The following PTPRT variants were observed in gnomAD, a reference collection of about 807,000 sequenced individuals.
The protein encoded by PTPRT is receptor-type tyrosine-protein phosphatase T.
In PTPRT, 56 loss-of-function variants were observed where a neutral mutation model predicts 176.8. That is an observed-to-expected ratio of 0.32 (90% CI 0.26 to 0.40). PTPRT has a LOEUF of 0.40. Among genes scored for constraint, PTPRT ranks in the 10% least tolerant of loss-of-function variants. PTPRT has a pLI of 1.00. For missense variants in PTPRT, 1,540 were observed against 1,908.2 expected (o/e 0.81, Z 3.60); for synonymous variants, 783 against 739.0 (o/e 1.06, Z -0.96).
At chr20:42,509,965 T>G (rs2071924793) in intron 7 of PTPRT, among the ~76,000 whole-genome samples, 1 of 152,094 alleles carries the variant, frequency 6.6e-6, no homozygotes. Context: ...AGTCAGAAAT[T>G]GAGCTCCTCC....
intron 7 of PTPRT, among the ~76,000 whole-genome samples, chr20:42,588,886 T>G (rs2073518875): frequency 6.6e-6 from 1 of 152,154 alleles, no homozygotes; most frequent in African/African-American, 2.4e-5. Context: ...TAGGCCCTAC[T>G]ACTGTCCCCA....
At chr20:42,203,377 C>A (rs1296600985) in intron 15 of PTPRT, among the ~76,000 whole-genome samples, 1 of 152,186 alleles carries the variant, frequency 6.6e-6, no homozygotes, top group Non-Finnish European at 1.5e-5. Flanking sequence ...GCAAACAAGA[C>A]CCTTAAACTA....
intron 12 of PTPRT, among the ~76,000 whole-genome samples, chr20:42,299,046 G>C (rs960552013): frequency 1.3e-5 from 2 of 152,068 alleles, no homozygotes; most frequent in African/African-American, 2.4e-5. Context: ...TCTATAAGAA[G>C]GGGAAATATA....
chr20:42,358,866 A>G (rs2058393480), intron 9 of PTPRT, among the ~76,000 whole-genome samples: 1 of 152,208 alleles, frequency 6.6e-6, no homozygotes, highest in Non-Finnish European at 1.5e-5. Context: ...TGTGCAGTGC[A>G]CAAACTAAGC....
rs538314238 is a variant in PTPRT, at chr20:42,570,774, AC to A, written c.1154-98213del. Among the ~76,000 whole-genome samples the A allele has an allele frequency of 4.1e-4, 63 of 152,168 alleles. 1 individual carries two copies. The highest frequency in any genetic ancestry group is 3.4e-3 in the Admixed American group (52 of 15,286). Reference sequence around the variant, plus strand: ...CTGACTCTATTTTTCATTTATAAAGACCCTTGTGATACATTGGGCCCACCTG... The same window carrying A: ...CTGACTCTATTTTTCATTTATAAAGACCTTGTGATACATTGGGCCCACCTG... On this transcript the variant is annotated intron_variant, in intron 7 of 30. Transcript: ENST00000373187.
intron 4 of PTPRT, among the ~76,000 whole-genome samples, chr20:42,774,968 C>G (rs1316155785): frequency 6.6e-6 from 1 of 152,194 alleles, no homozygotes; most frequent in African/African-American, 2.4e-5. Context: ...CAAGCTCTCT[C>G]AACTGTCACC....
intron 2 of PTPRT, among the ~76,000 whole-genome samples, chr20:42,838,861 G>A (rs2078227437): frequency 6.6e-6 from 1 of 152,106 alleles, no homozygotes; most frequent in African/African-American, 2.4e-5. Flanking sequence ...ATCCTTCCTA[G>A]GGGAACCTCT....
chr20:42,986,612 G>A (rs951623532), intron 1 of PTPRT, among the ~76,000 whole-genome samples: 3 of 152,196 alleles, frequency 2.0e-5, no homozygotes, highest in Non-Finnish European at 2.9e-5. Flanking sequence ...GCTCATGGAC[G>A]ATGATGGTGA....
At chr20:42,413,066 A>C (rs2059032615) in intron 9 of PTPRT, among the ~76,000 whole-genome samples, 1 of 152,160 alleles carries the variant, frequency 6.6e-6, no homozygotes, top group South Asian at 2.1e-4. Context: ...AAACACATAC[A>C]AAATTATTTA....
intron 1 of PTPRT, among the ~76,000 whole-genome samples, chr20:43,168,641 G>C (rs2014917674): frequency 6.6e-6 from 1 of 152,112 alleles, no homozygotes; most frequent in African/African-American, 2.4e-5. Context: ...GAAGTTAGAG[G>C]AAGGAGAGAA....
At chr20:42,882,138 C>G (rs2145855394) in intron 2 of PTPRT, among the ~76,000 whole-genome samples, 1 of 152,290 alleles carries the variant, frequency 6.6e-6, no homozygotes, top group Non-Finnish European at 1.5e-5. Context: ...AACTTGACTT[C>G]CAAGATGAGG....
At chr20:42,697,914 T>A (rs1302391460) in intron 6 of PTPRT, among the ~76,000 whole-genome samples, 1 of 152,232 alleles carries the variant, frequency 6.6e-6, no homozygotes, top group African/African-American at 2.4e-5. Flanking sequence ...TAGATCTTAA[T>A]CAGTAAAGCA....
chr20:42,907,674 A>G (rs2079495926), intron 1 of PTPRT, among the ~76,000 whole-genome samples: 1 of 152,104 alleles, frequency 6.6e-6, no homozygotes, highest in Admixed American at 6.5e-5. Context: ...AAGATGAAGG[A>G]TGCTCAACCT....
chr20:42,081,975 A>C lies in PTPRT; in HGVS notation c.4179T>G (p.Ser1393Arg). The change falls in exon 30 of 31, where the codon AGT (serine) becomes AGG (arginine). Residue 1393 changes from serine (S) to arginine (R), a missense_variant. By Grantham distance (110) the Ser-to-Arg change is moderately radical. Around this residue, in one of 11 missense-constraint regions of PTPRT, gnomAD observed 342 missense variants for 394.0 expected, o/e 0.87. Transcript: ENST00000373187. ...GRSGTFCAICSVCEMIQQQNI... is the reference protein window; with the variant it reads ...GRSGTFCAICRVCEMIQQQNI... ...TTTGCTGCTGGATCATCTCACACAC[A>C]CTGCAGATGGCACAGAAGGTTCCAC... 1 of 1,614,146 alleles carries C rather than the reference A, an allele frequency of 6.2e-7. No homozygotes were observed. The highest frequency in any genetic ancestry group is 8.5e-7 in the Non-Finnish European group (1 of 1,180,042).
At chr20:42,851,611 CT>C (rs1490726878) in intron 2 of PTPRT, among the ~76,000 whole-genome samples, 1 of 152,206 alleles carries the variant, frequency 6.6e-6, no homozygotes, top group Non-Finnish European at 1.5e-5. Context: ...GCTCAAGTTC[CT>C]GCTCTCCATG....
chr20:42,330,071 T>A (rs1418212377), intron 11 of PTPRT, among the ~76,000 whole-genome samples: 3 of 152,234 alleles, frequency 2.0e-5, no homozygotes, highest in Admixed American at 6.5e-5. Flanking sequence ...ACGAAATAGA[T>A]CCCATCCCTA....
chr20:42,136,300 G>A (rs1461448431), intron 18 of PTPRT, among the ~76,000 whole-genome samples: 1 of 133,100 alleles, frequency 7.5e-6, no homozygotes, highest in Non-Finnish European at 1.5e-5. Flanking sequence ...TTGTGGAGCT[G>A]AAAAACCATT....
chr20:42,136,092 C>G (rs1181352668), intron 18 of PTPRT, among the ~76,000 whole-genome samples: 2 of 152,104 alleles, frequency 1.3e-5, no homozygotes, highest in Non-Finnish European at 2.9e-5. Context: ...AAAGATAGCC[C>G]AGTAAACCTG....
At chr20:42,986,738 G>C (rs1257382681) in intron 1 of PTPRT, among the ~76,000 whole-genome samples, 2 of 152,194 alleles carry the variant, frequency 1.3e-5, no homozygotes. Flanking sequence ...CTACAAGGTA[G>C]ATAGTATTTA....
Sources: gnomAD v4.1 joint callset for allele counts (sites outside exome capture counted in the v4.1 genomes callset) on GRCh38, gnomAD v4.1.1 for gene constraint, gnomAD v4.1.1 regional missense constraint, MANE v1.5 for transcripts, NCBI Gene and HGNC (gene_info 2026-07-23, HGNC 2026-07-21) for gene names.